The following CAMK2D variants were observed in gnomAD, a reference collection of about 807,000 sequenced individuals.
The protein encoded by CAMK2D is calcium/calmodulin dependent protein kinase II delta, also known as calcium/calmodulin-dependent protein kinase type II subunit delta.
CAMK2D carries 37 observed loss-of-function variants against 84.0 expected under a neutral mutation model. The ratio of observed to expected loss-of-function variants is 0.44; its 90% CI spans 0.34 to 0.58. The LOEUF is 0.58. Among genes scored for constraint, CAMK2D ranks in the 20% least tolerant of loss-of-function variants. The probability of loss-of-function intolerance (pLI) is 0.02; values close to 1 mark genes in which losing one functional copy is unlikely to be tolerated. For missense variants in CAMK2D, 448 were observed against 652.5 expected, an observed-to-expected ratio of 0.69 and a Z score of 3.41; for synonymous variants, 202 against 212.5, an observed-to-expected ratio of 0.95 and a Z score of 0.43.
intron 6 of CAMK2D, among the ~76,000 whole-genome samples, chr4:113,541,654 T>A (rs989878779): frequency 1.3e-5 from 2 of 152,170 alleles, no homozygotes; most frequent in African/African-American, 4.8e-5. Flanking sequence ...TTATCCCATA[T>A]TATTTAATTC....
intron 16 of CAMK2D, among the ~76,000 whole-genome samples, chr4:113,496,560 T>C (rs1230701314): frequency 2.0e-5 from 3 of 151,588 alleles, no homozygotes; most frequent in Non-Finnish European, 4.4e-5. Context: ...GTGATTCTCA[T>C]GCCTCAGCCT....
chr4:113,637,284 T>C (rs939187517), intron 3 of CAMK2D, among the ~76,000 whole-genome samples: 10 of 152,228 alleles, frequency 6.6e-5, no homozygotes, highest in African/African-American at 2.4e-4. Context: ...AATAAATGTA[T>C]GAGGACAATT....
At chr4:113,570,748 T>C (rs564229862) in intron 4 of CAMK2D, among the ~76,000 whole-genome samples, 1 of 152,254 alleles carries the variant, frequency 6.6e-6, no homozygotes, top group East Asian at 1.9e-4. Flanking sequence ...AGCAATGAAT[T>C]TTTAAATATG....
At chr4:113,724,669 T>C (rs1432072701) in intron 2 of CAMK2D, among the ~76,000 whole-genome samples, 1 of 151,932 alleles carries the variant, frequency 6.6e-6, no homozygotes, top group Non-Finnish European at 1.5e-5. Flanking sequence ...CTACTGTAAA[T>C]ACTTTTGATT....
intron 3 of CAMK2D, among the ~76,000 whole-genome samples, chr4:113,643,738 TG>T (rs1355094414): frequency 6.6e-6 from 1 of 152,228 alleles, no homozygotes; most frequent in Non-Finnish European, 1.5e-5. Context: ...CTCTTTGCCT[TG>T]ATTCCAAGTG....
At chr4:113,610,768 C>T (rs577768606) in intron 3 of CAMK2D, among the ~76,000 whole-genome samples, 1 of 151,200 alleles carries the variant, frequency 6.6e-6, no homozygotes, top group Admixed American at 6.6e-5. Context: ...CGCTGCCCTG[C>T]CACGCTTATC....
chr4:113,478,084 T>A (rs183030422), intron 16 of CAMK2D, among the ~76,000 whole-genome samples: 72 of 152,256 alleles, frequency 4.7e-4, no homozygotes, highest in African/African-American at 1.5e-3. Context: ...GAACTGAGAT[T>A]AAGACAATAG....
chr4:113,564,628 C>T (rs1363671488), intron 4 of CAMK2D, among the ~76,000 whole-genome samples: 1 of 152,136 alleles, frequency 6.6e-6, no homozygotes, highest in Non-Finnish European at 1.5e-5. Context: ...GAGCCTAACA[C>T]ATTGCCTGAG....
At chr4:113,693,250 G>C (rs1386496771) in intron 2 of CAMK2D, among the ~76,000 whole-genome samples, 1 of 152,148 alleles carries the variant, frequency 6.6e-6, no homozygotes, top group African/African-American at 2.4e-5. Flanking sequence ...CATTTGTACA[G>C]TTTATGAGCC....
At chr4:113,494,367 C>G (rs2097893831) in intron 16 of CAMK2D, among the ~76,000 whole-genome samples, 1 of 152,076 alleles carries the variant, frequency 6.6e-6, no homozygotes, top group African/African-American at 2.4e-5. Context: ...CAGAGAGGAC[C>G]CTCAGCTGCA....
chr4:113,674,750 AAAG>A (rs2099311254), intron 2 of CAMK2D, among the ~76,000 whole-genome samples: 1 of 152,192 alleles, frequency 6.6e-6, no homozygotes, highest in African/African-American at 2.4e-5. Context: ...CTCAGAGCTT[AAAG>A]AAGGCTTCCT....
intron 3 of CAMK2D, among the ~76,000 whole-genome samples, chr4:113,643,356 T>A (rs2099139667): frequency 6.6e-6 from 1 of 152,228 alleles, no homozygotes; most frequent in African/African-American, 2.4e-5. Flanking sequence ...CAGAGGCAAG[T>A]ATGATAGGTT....
intron 4 of CAMK2D, among the ~76,000 whole-genome samples, chr4:113,563,029 C>A (rs553822416): frequency 1.3e-5 from 2 of 152,154 alleles, no homozygotes; most frequent in East Asian, 3.9e-4. Flanking sequence ...GAGGCCAAGG[C>A]AGGTAGATAC....
At chr4:113,692,575 C>A (rs2099390286) in intron 2 of CAMK2D, among the ~76,000 whole-genome samples, 2 of 151,790 alleles carry the variant, frequency 1.3e-5, no homozygotes, top group African/African-American at 4.8e-5. Context: ...GTCATACATA[C>A]ATATATTCAC....
intron 2 of CAMK2D, among the ~76,000 whole-genome samples, chr4:113,710,269 G>A (rs527992232): frequency 6.6e-6 from 1 of 152,164 alleles, no homozygotes; most frequent in Non-Finnish European, 1.5e-5. Flanking sequence ...CAGTGAAAAA[G>A]GACAATTGTG....
At position 113,480,528 on chromosome 4, in the gene CAMK2D, G is replaced by A. The variant is rs112378835; in HGVS notation, c.1136-14924C>T. On this transcript the variant is annotated intron_variant, in intron 16 of 20. Transcript: ENST00000511664. ...TGGGGCCCTTGAGTGGTTATTAGAA[G>A]GGGACTAGTGCCCTTATAAAAGGGC... Among the ~76,000 whole-genome samples, 28 of 152,154 alleles carry A rather than the reference G, an allele frequency of 1.8e-4. 1 individual carries two copies. The highest frequency in any genetic ancestry group is 6.5e-4 in the African/African-American group (27 of 41,524).
At chr4:113,533,904 A>G (rs1236654773) in intron 7 of CAMK2D, among the ~76,000 whole-genome samples, 1 of 148,684 alleles carries the variant, frequency 6.7e-6, no homozygotes, top group Non-Finnish European at 1.5e-5. Context: ...AATGATAATT[A>G]AAAAAAAAAC....
intron 14 of CAMK2D, among the ~76,000 whole-genome samples, chr4:113,503,510 G>T (rs1369519169): frequency 1.3e-5 from 2 of 151,974 alleles, no homozygotes; most frequent in South Asian, 2.1e-4. Flanking sequence ...CTATACTAAA[G>T]AATCCATTTC....
At chr4:113,671,142 A>G (rs1378965984) in intron 2 of CAMK2D, among the ~76,000 whole-genome samples, 1 of 152,220 alleles carries the variant, frequency 6.6e-6, no homozygotes, top group Admixed American at 6.5e-5. Flanking sequence ...CAAAAAGTGA[A>G]AAGTATAAAA....
Sources: allele counts gnomAD v4.1 joint callset (sites outside exome capture counted in the v4.1 genomes callset), GRCh38; gene constraint gnomAD v4.1.1; transcripts MANE v1.5; gene names NCBI Gene and HGNC (gene_info 2026-07-23, HGNC 2026-07-21).